GOLGA1: variants seen among roughly 807,000 people sequenced by gnomAD.
GOLGA1 encodes the protein golgin A1.
A neutral mutation model predicts 119.7 loss-of-function variants in GOLGA1; 63 were observed. That is an observed-to-expected ratio of 0.53 (90% CI 0.43 to 0.65). The LOEUF is 0.65. Among genes scored for constraint, GOLGA1 ranks in the 30% least tolerant of loss-of-function variants. The pLI is 0.00. For synonymous variants in GOLGA1, 318 were observed against 333.4 expected (o/e 0.95, Z 0.50); for missense variants, 798 against 912.8 (o/e 0.87, Z 1.62).
intron 10 of GOLGA1, among the ~76,000 whole-genome samples, chr9:124,919,444 T>A (rs768853437): frequency 6.6e-6 from 1 of 152,144 alleles, no homozygotes; most frequent in Non-Finnish European, 1.5e-5. Flanking sequence ...TGTATCACAG[T>A]CATTCATTCA....
chr9:124,934,939 C>T (rs1368213937), intron 3 of GOLGA1, among the ~76,000 whole-genome samples: 1 of 151,930 alleles, frequency 6.6e-6, no homozygotes, highest in African/African-American at 2.4e-5. Context: ...CCCAACTACT[C>T]ACGAGGCTGA....
At chr9:124,943,636 A>C (rs956310380), upstream of GOLGA1, 1 of 152,240 alleles carries the variant, frequency 6.6e-6, no homozygotes, top group Non-Finnish European at 1.5e-5. Flanking sequence ...TATATCCTCC[A>C]AATGAATTAC....
At chr9:124,883,951 C>T (rs1454888563) in intron 19 of GOLGA1, among the ~76,000 whole-genome samples, 1 of 152,030 alleles carries the variant, frequency 6.6e-6, no homozygotes, top group African/African-American at 2.4e-5. Flanking sequence ...CATACACATT[C>T]CATTATTCAC....
At chr9:124,908,242 C>T in intron 12 of GOLGA1, 135 bp downstream of exon 12, 1 of 648,584 alleles carries the variant, frequency 1.5e-6, no homozygotes, top group Non-Finnish European at 2.8e-6. Flanking sequence ...ACTAACTCAT[C>T]CCTGTATAGG....
rs529572006 is a variant in GOLGA1, at chr9:124,911,810, C to T, written c.969+91G>A. Reference sequence around the variant, plus strand: ...CTTTTGTTACCATGCTGTTTGCTGGCCCTACAGCTCTGAAACTCTAGGAAT... The same window carrying T: ...CTTTTGTTACCATGCTGTTTGCTGGTCCTACAGCTCTGAAACTCTAGGAAT... On this transcript the variant is annotated intron_variant, in intron 11 of 22. Transcript: ENST00000373555. 2.7e-6 allele frequency: 3 copies of T among 1,113,442 alleles called. No individual in the cohort carries two copies. The East Asian group carries it at 7.3e-5, about 27-fold the overall frequency. 69.0% of individuals were successfully genotyped at this position (1,113,442 alleles called of 1,614,324 possible). A position where few individuals can be genotyped will look rare whatever the true frequency, so the allele number is the denominator to read the frequency against.
intron 12 of GOLGA1, among the ~76,000 whole-genome samples, chr9:124,907,375 T>C (rs1024540601): frequency 6.6e-6 from 1 of 152,140 alleles, no homozygotes; most frequent in Non-Finnish European, 1.5e-5. Context: ...AAGGAAAAAT[T>C]ATAAAGTTAA....
At chr9:124,887,066 A>T (rs1015577304) in intron 19 of GOLGA1, among the ~76,000 whole-genome samples, 2 of 152,142 alleles carry the variant, frequency 1.3e-5, no homozygotes, top group African/African-American at 4.8e-5. Context: ...CTTGGCTAGG[A>T]CAGTCTGAGG....
intron 16 of GOLGA1, 141 bp from the exon 17 acceptor site, chr9:124,889,677 C>T (rs1829813128): frequency 1.4e-6 from 1 of 703,360 alleles, no homozygotes; most frequent in Non-Finnish European, 2.6e-6. Flanking sequence ...CCCAGCTAAG[C>T]TCTGCTCCTA....
chr9:124,941,626 C>T (rs1831028042), upstream of GOLGA1, among the ~76,000 whole-genome samples: 1 of 152,120 alleles, frequency 6.6e-6, no homozygotes, highest in Non-Finnish European at 1.5e-5. Context: ...GCGCCTGTCA[C>T]CTACTGTAGA....
chr9:124,893,618 C>T (rs1372509998), intron 15 of GOLGA1, among the ~76,000 whole-genome samples: 1 of 152,128 alleles, frequency 6.6e-6, no homozygotes, highest in Non-Finnish European at 1.5e-5. Context: ...GGTTACTTCC[C>T]GTTCAAGCTT....
chr9:124,930,801 T>C (rs974490177), intron 4 of GOLGA1, among the ~76,000 whole-genome samples: 5 of 152,224 alleles, frequency 3.3e-5, no homozygotes, highest in African/African-American at 9.6e-5. Flanking sequence ...AATTGTAAAC[T>C]GCAGACAAAA....
intron 15 of GOLGA1, among the ~76,000 whole-genome samples, chr9:124,897,006 TC>T (rs1453701264): frequency 1.3e-5 from 2 of 151,976 alleles, no homozygotes; most frequent in Middle Eastern, 6.4e-3. Flanking sequence ...CCAGCCATGC[TC>T]TCCCCTGGCC....
chr9:124,881,171 C>A lies in GOLGA1; in HGVS notation c.2223G>T (p.Lys741Asn). The A allele has an allele frequency of 6.7e-7, 1 of 1,483,564 alleles. No homozygotes were observed. Among genetic ancestry groups the A allele is most frequent in the Non-Finnish European group, 9.4e-7 (1 of 1,060,126 alleles). 91.9% of individuals were successfully genotyped at this position (1,483,564 alleles called of 1,614,324 possible). A position where few individuals can be genotyped will look rare whatever the true frequency, so the allele number is the denominator to read the frequency against. ...GGAACAGTAGACCAGAGAACCCTAC[C>A]TTATATTCCAGAGTTTCCTTGAGCA... ...ENMLKETLEY[K>N]MSWFGSKPAP... The change falls in exon 22 of 23, where the codon AAG (lysine) becomes AAT (asparagine). Residue 741 changes from lysine (K) to asparagine (N), a missense_variant and splice_region_variant. Coordinates refer to ENST00000373555, the MANE Select transcript of GOLGA1 (RefSeq NM_002077.4). This position sits in a 1 kb window ranked among gnomAD's most constrained non-coding sequence, Gnocchi z 4.9.
At chr9:124,917,883 G>A (rs562238819) in intron 10 of GOLGA1, among the ~76,000 whole-genome samples, 4 of 151,512 alleles carry the variant, frequency 2.6e-5, no homozygotes, top group East Asian at 1.9e-4. Context: ...ACGGAGTTTC[G>A]CTCTTTTTGC....
intron 7 of GOLGA1, among the ~76,000 whole-genome samples, chr9:124,925,189 G>T (rs986588798): frequency 2.6e-5 from 4 of 151,954 alleles, no homozygotes; most frequent in African/African-American, 9.7e-5. Flanking sequence ...TTTTTTAGTT[G>T]GTTCAGTCCT....
rs1310050366 is a variant in GOLGA1 at position 124,888,283 on chromosome 9, G to A, written c.1875C>T (p.Asp625=). Residue 625 remains aspartate (D), a synonymous_variant, in exon 19 of 23, where the codon GAC becomes GAT. Transcript: ENST00000373555. This position sits in a 1 kb window ranked among gnomAD's most constrained non-coding sequence, Gnocchi z 4.4. ...TTTTCTCCAGAAGTTGCTGCTCCAAGTCCTGTTTCTCCTTCTGTAGCTGTG... is the reference window on the plus strand; with the variant it reads ...TTTTCTCCAGAAGTTGCTGCTCCAAATCCTGTTTCTCCTTCTGTAGCTGTG... ...DLTQLQKEKQ[D]LEQQLLEKNK... The A allele has an allele frequency of 6.2e-7, 1 of 1,614,112 alleles. No homozygotes were observed. The highest frequency in any genetic ancestry group is 1.1e-5 in the South Asian group (1 of 91,076).
chr9:124,929,877 T>C (rs1213131964), intron 4 of GOLGA1, among the ~76,000 whole-genome samples: 2 of 152,322 alleles, frequency 1.3e-5, no homozygotes, highest in Admixed American at 1.3e-4. Flanking sequence ...AGAAGATAGT[T>C]ATGGTTTAGT....
rs1212696122 is a variant in GOLGA1, at chr9:124,921,790, T to A, written c.664A>T (p.Met222Leu). 1.9e-6 allele frequency: 3 copies of A among 1,613,188 alleles called. No homozygotes were observed. Among genetic ancestry groups the A allele is most frequent in the Admixed American group, 1.7e-5 (1 of 60,000 alleles). ...AGCTTCTGGCTTAAGTCTGATGACATCTGATTGGAGTTCATCAACTCCTCC... is the reference window on the plus strand; with the variant it reads ...AGCTTCTGGCTTAAGTCTGATGACAACTGATTGGAGTTCATCAACTCCTCC... ...TQEELMNSNQMSSDLSQKLEE... is the reference protein window; with the variant it reads ...TQEELMNSNQLSSDLSQKLEE... The change falls in exon 9 of 23, where the codon ATG becomes TTG. Residue 222 changes from methionine (M) to leucine (L), a missense_variant. By Grantham distance (15) the Met-to-Leu change is conservative. Transcript: ENST00000373555.
At chr9:124,929,140 C>G in intron 5 of GOLGA1, 76 bp downstream of exon 5, 1 of 835,056 alleles carries the variant, frequency 1.2e-6, no homozygotes, top group East Asian at 2.6e-5. Flanking sequence ...GAAGGACAAA[C>G]TTAACCATAC....
Sources: gnomAD v4.1 joint callset for allele counts (sites outside exome capture counted in the v4.1 genomes callset) on GRCh38, gnomAD v4.1.1 for gene constraint, Gnocchi (gnomAD v3.1) non-coding constraint, MANE v1.5 for transcripts, NCBI Gene and HGNC (gene_info 2026-07-23, HGNC 2026-07-21) for gene names.